TRPC1: variants seen among roughly 807,000 people sequenced by gnomAD.
TRPC1 encodes transient receptor potential cation channel subfamily C member 1.
In TRPC1, 42 loss-of-function variants were observed where a neutral mutation model predicts 88.2. The observed-to-expected ratio is 0.48, with a 90% confidence interval of 0.37 to 0.62. The LOEUF (loss-of-function observed/expected upper bound fraction) is 0.62, where lower values mean the gene tolerates loss of function less well. Ranked by LOEUF, TRPC1 falls within the 20% of genes least tolerant of loss-of-function variation. The pLI, the probability that TRPC1 is intolerant of heterozygous loss-of-function variation, is 0.00. For synonymous variants in TRPC1, 288 were observed against 331.8 expected (o/e 0.87, Z 1.43); for missense variants, 699 against 957.3 (o/e 0.73, Z 3.56).
chr3:142,724,348 G>T lies in TRPC1; in HGVS notation c.-212G>T. On this transcript the variant is annotated 5_prime_UTR_variant, in exon 1 of 13. It removes an upstream start codon present in the reference 5' UTR. Coordinates refer to ENST00000476941, the MANE Select transcript of TRPC1 (RefSeq NM_001251845.2). This position sits in a 1 kb window ranked among gnomAD's most constrained non-coding sequence, Gnocchi z 5.6. ...GGTCGCTGGCCCCGGGGCCGCGCAT[G>T]CGCCGCCACCAACTTGGGGCTGTCA... 1 of 379,124 alleles carries T rather than the reference G, an allele frequency of 2.6e-6. No individual in the cohort carries two copies. The highest frequency in any genetic ancestry group is 4.0e-5 in the East Asian group (1 of 24,838). 23.5% of individuals were successfully genotyped at this position (379,124 alleles called of 1,614,324 possible).
At chr3:142,771,207 G>A (rs1231633434) in intron 4 of TRPC1, among the ~76,000 whole-genome samples, 1 of 152,156 alleles carries the variant, frequency 6.6e-6, no homozygotes, top group Non-Finnish European at 1.5e-5. Context: ...GGTTTGGAGG[G>A]AACAAATTCC....
intron 9 of TRPC1, among the ~76,000 whole-genome samples, chr3:142,796,630 A>G (rs752280070): frequency 2.0e-4 from 31 of 151,820 alleles, no homozygotes; most frequent in Non-Finnish European, 3.7e-4. Flanking sequence ...ATTCTTACCC[A>G]TCTGTAGCAC....
At chr3:142,802,675 A>G (rs1056759052) in intron 10 of TRPC1, among the ~76,000 whole-genome samples, 16 of 152,132 alleles carry the variant, frequency 1.1e-4, no homozygotes, top group African/African-American at 3.9e-4. Context: ...TCTGTCCTTC[A>G]GGTATTAAAT....
At chr3:142,785,089 ATTCT>A (rs1437867125) in intron 7 of TRPC1, 49 bp downstream of exon 7, 3 of 1,466,704 alleles carry the variant, frequency 2.0e-6, no homozygotes, top group South Asian at 1.4e-5. Context: ...TAGCCCACTG[ATTCT>A]TTCTTGATTG....
chr3:142,743,742 G>GAATAATTAGTATTTCTTTCAGGAAA (rs1399112775), intron 3 of TRPC1, among the ~76,000 whole-genome samples, 156 bp downstream of exon 3: 2 of 151,904 alleles, frequency 1.3e-5, no homozygotes, highest in Non-Finnish European at 2.9e-5. Context: ...ACACTTGCAG[G>GAATAATTAGTATTTCTTTCAGGAAA]AATAATTAGT....
chr3:142,799,889 G>A (rs900318263), intron 9 of TRPC1, among the ~76,000 whole-genome samples: 3 of 152,036 alleles, frequency 2.0e-5, no homozygotes, highest in East Asian at 1.9e-4. Context: ...TATTGAACTC[G>A]ATTACATTTA....
chr3:142,781,207 A>C (rs1261437388), intron 6 of TRPC1, among the ~76,000 whole-genome samples, 178 bp downstream of exon 6: 1 of 152,212 alleles, frequency 6.6e-6, no homozygotes, highest in Non-Finnish European at 1.5e-5. Flanking sequence ...TTAATTAAGA[A>C]TATATACTAA....
chr3:142,738,698 A>G (rs1268902804), intron 2 of TRPC1, among the ~76,000 whole-genome samples: 1 of 152,212 alleles, frequency 6.6e-6, no homozygotes, highest in East Asian at 1.9e-4. Flanking sequence ...CCAAAATTTC[A>G]GTAGTGCTGC....
At chr3:142,770,680 G>T (rs921085758) in intron 4 of TRPC1, among the ~76,000 whole-genome samples, 1 of 152,156 alleles carries the variant, frequency 6.6e-6, no homozygotes, top group African/African-American at 2.4e-5. Flanking sequence ...GTTATTGATA[G>T]TTGGATTTAT....
In TRPC1 at chr3:142,732,677, T is replaced by C. The variant is rs548871442; in HGVS notation, c.173-3702T>C. Among the ~76,000 whole-genome samples the C allele has an allele frequency of 3.9e-5, 6 of 152,266 alleles. No individual in the cohort carries two copies. In the South Asian group the frequency reaches 1.2e-3, roughly 32 times the overall value. On this transcript the variant is annotated intron_variant, in intron 1 of 12. Transcript: ENST00000476941. ...TTGAATTGGTATACTCCCTGTGGAA[T>C]TGATTGAAAATGGTTTCTTTTTCCT...
In TRPC1 at chr3:142,802,176, T is replaced by C; in HGVS notation, c.1589T>C (p.Met530Thr). The change falls in exon 10 of 13, where the codon ATG (methionine) becomes ACG (threonine). Residue 530 changes from methionine (M) to threonine (T), a missense_variant. Physicochemically the swap from Met to Thr is moderately conservative, Grantham distance 81 (BLOSUM62 -1). Around this residue, in one of 4 missense-constraint regions of TRPC1, gnomAD observed 426 missense variants for 641.3 expected, o/e 0.66. Transcript: ENST00000476941. ...GTGTAATATATTCCACAGATTTCAA[T>C]GGGACAGATGTTACAAGATTTTGGA... ...SSILGPLQISMGQMLQDFGKF... is the reference protein window; with the variant it reads ...SSILGPLQISTGQMLQDFGKF... 6.4e-7 allele frequency: 1 copy of C among 1,566,288 alleles called. No homozygotes were observed. The highest frequency in any genetic ancestry group is 8.6e-7 in the Non-Finnish European group (1 of 1,162,416).
At chr3:142,789,057 A>G (rs1424035995) in intron 7 of TRPC1, among the ~76,000 whole-genome samples, 2 of 152,238 alleles carry the variant, frequency 1.3e-5, no homozygotes, top group African/African-American at 4.8e-5. Flanking sequence ...TTCTGTAAAC[A>G]TCTTTCTTAG....
intron 1 of TRPC1, among the ~76,000 whole-genome samples, chr3:142,730,160 G>T (rs951965564): frequency 8.6e-5 from 13 of 151,932 alleles, no homozygotes; most frequent in Non-Finnish European, 2.9e-5. Context: ...GCAGCATTGT[G>T]AATGGGATCT....
chr3:142,788,950 G>A (rs79405852), intron 7 of TRPC1, among the ~76,000 whole-genome samples: 239 of 152,196 alleles, frequency 1.6e-3, no homozygotes, highest in African/African-American at 5.5e-3. Context: ...TTTCATGTCT[G>A]TCTTTTTTGA....
intron 5 of TRPC1, among the ~76,000 whole-genome samples, chr3:142,778,306 A>C (rs982976501): frequency 6.6e-6 from 1 of 152,202 alleles, no homozygotes; most frequent in African/African-American, 2.4e-5. Context: ...CAACTAATTA[A>C]GAGGGATGAA....
At chr3:142,730,546 GT>G (rs1393831478) in intron 1 of TRPC1, among the ~76,000 whole-genome samples, 1 of 149,090 alleles carries the variant, frequency 6.7e-6, no homozygotes, top group African/African-American at 2.5e-5. Context: ...TGTAATACGA[GT>G]TTTGCACATT....
chr3:142,774,640 C>G (rs988149354), intron 4 of TRPC1, among the ~76,000 whole-genome samples: 1 of 152,170 alleles, frequency 6.6e-6, no homozygotes, highest in Non-Finnish European at 1.5e-5. Context: ...TTTCAACAAT[C>G]AACAATTCTC....
intron 4 of TRPC1, among the ~76,000 whole-genome samples, chr3:142,751,339 A>G (rs1387392515): frequency 6.6e-6 from 1 of 152,122 alleles, no homozygotes; most frequent in Non-Finnish European, 1.5e-5. Context: ...TACCTTTTCT[A>G]TGTTTAGATA....
chr3:142,775,960 A>G (rs1935754218), intron 4 of TRPC1, among the ~76,000 whole-genome samples: 1 of 152,222 alleles, frequency 6.6e-6, no homozygotes, highest in African/African-American at 2.4e-5. Context: ...CAAATGCCAT[A>G]TTCCCTAGAA....
Sources: allele counts gnomAD v4.1 joint callset (sites outside exome capture counted in the v4.1 genomes callset), GRCh38; gene constraint gnomAD v4.1.1; regional missense constraint gnomAD v4.1.1; non-coding constraint Gnocchi (gnomAD v3.1); transcripts MANE v1.5; gene names NCBI Gene and HGNC (gene_info 2026-07-23, HGNC 2026-07-21).